Variants in MAGI3 observed in about 807,000 individuals in gnomAD.
The protein encoded by MAGI3 is membrane-associated guanylate kinase, WW and PDZ domain-containing protein 3.
MAGI3 carries 43 observed loss-of-function variants against 121.8 expected under a neutral mutation model. That is an observed-to-expected ratio of 0.35 (90% CI 0.28 to 0.46). The LOEUF (loss-of-function observed/expected upper bound fraction) is 0.46, where lower values mean the gene tolerates loss of function less well. Ranked by LOEUF, MAGI3 falls within the 20% of genes least tolerant of loss-of-function variation. The pLI is 1.00. For missense variants in MAGI3, 1,547 were observed against 1,797.3 expected (o/e 0.86, Z 2.52); for synonymous variants, 553 against 639.3 (o/e 0.86, Z 2.04).
At chr1:113,507,434 GT>G (rs1445701074) in intron 1 of MAGI3, among the ~76,000 whole-genome samples, 3 of 152,124 alleles carry the variant, frequency 2.0e-5, no homozygotes, top group Non-Finnish European at 4.4e-5. Flanking sequence ...TAAGCAGAAG[GT>G]TTGAGGGAAT....
chr1:113,596,038 TAATAC>T (rs1311146536), intron 6 of MAGI3, among the ~76,000 whole-genome samples: 64 of 492 alleles, frequency 0.13, no homozygotes, highest in African/African-American at 0.16. Context: ...CTCAAAATAC[TAATAC>T]TAATACTAAT....
At chr1:113,456,095 C>T (rs954636035) in intron 1 of MAGI3, among the ~76,000 whole-genome samples, 9 of 150,022 alleles carry the variant, frequency 6.0e-5, no homozygotes, top group South Asian at 4.2e-4. Flanking sequence ...GGACTACAGG[C>T]GCCCGCCACC....
intron 2 of MAGI3, among the ~76,000 whole-genome samples, chr1:113,560,073 ATTC>A (rs1660159907): frequency 6.6e-6 from 1 of 152,222 alleles, no homozygotes; most frequent in African/African-American, 2.4e-5. Context: ...CAGAATATAC[ATTC>A]TTCTCATCAC....
In MAGI3 at chr1:113,684,029, CAAAG is replaced by C; in HGVS notation, c.*19_*22del. 1 of 1,490,954 alleles carries C rather than the reference CAAAG, an allele frequency of 6.7e-7. No individual in the cohort carries two copies. Among genetic ancestry groups the C allele is most frequent in the East Asian group, 2.4e-5 (1 of 41,354 alleles). 92.4% of individuals were successfully genotyped at this position (1,490,954 alleles called of 1,614,324 possible). ...AACGGCAGTAACCTTTAGTATAAAA[CAAAG>C]AAAAACAAGTTGTAATCTTTTCTTA... On this transcript the variant is annotated 3_prime_UTR_variant, in exon 21 of 21. Coordinates refer to ENST00000307546, the MANE Select transcript of MAGI3 (RefSeq NM_001142782.2).
chr1:113,669,442 G>T (rs1647391884), intron 16 of MAGI3, among the ~76,000 whole-genome samples: 1 of 152,178 alleles, frequency 6.6e-6, no homozygotes, highest in Non-Finnish European at 1.5e-5. Flanking sequence ...TCACAGAGGA[G>T]GTGACAATTT....
intron 1 of MAGI3, among the ~76,000 whole-genome samples, chr1:113,438,714 A>G (rs530336551): frequency 1.5e-4 from 23 of 152,320 alleles, no homozygotes; most frequent in African/African-American, 5.3e-4. Context: ...AAACTAATAC[A>G]GTGAGAATTC....
intron 1 of MAGI3, among the ~76,000 whole-genome samples, chr1:113,473,203 C>G (rs1041785997): frequency 3.9e-5 from 6 of 152,034 alleles, no homozygotes; most frequent in Non-Finnish European, 8.8e-5. Context: ...CTGAAGGACA[C>G]CTTTGCTAGG....
chr1:113,416,341 A>C (rs1351730886), intron 1 of MAGI3, among the ~76,000 whole-genome samples: 1 of 46,800 alleles, frequency 2.1e-5, no homozygotes, highest in African/African-American at 7.5e-5. Flanking sequence ...TATCAATCAT[A>C]TATTAATTAT....
chr1:113,656,045 T>G (rs1653452390), intron 15 of MAGI3, among the ~76,000 whole-genome samples: 1 of 152,182 alleles, frequency 6.6e-6, no homozygotes, highest in African/African-American at 2.4e-5. Flanking sequence ...GCAGCTAACA[T>G]GTGGCAGGAG....
At chr1:113,660,162 A>G (rs892988134) in intron 16 of MAGI3, among the ~76,000 whole-genome samples, 2 of 152,078 alleles carry the variant, frequency 1.3e-5, no homozygotes, top group African/African-American at 4.8e-5. Context: ...TCAAGATGCT[A>G]TAGGGGTTAT....
At position 113,683,375 on chromosome 1, in the gene MAGI3, C is replaced by CA; in HGVS notation, c.3808dup (p.Thr1270AsnfsTer27). ...GGGAAAATAAAAGTTGTCAGGTCAG[C>CA]ACCAGGGCAGGCTCTGGACAAGATC... is the stretch of plus-strand genomic sequence containing the variant. On this transcript the variant is annotated frameshift_variant, in exon 21 of 21. Coordinates refer to ENST00000307546, the MANE Select transcript of MAGI3 (RefSeq NM_001142782.2). LOFTEE classifies it low-confidence loss of function (END_TRUNC). The CA allele has an allele frequency of 1.9e-6, 3 of 1,613,960 alleles. No homozygotes were observed. Among genetic ancestry groups the CA allele is most frequent in the Non-Finnish European group, 2.5e-6 (3 of 1,179,888 alleles).
At chr1:113,675,825 A>G (rs1399903156) in intron 19 of MAGI3, among the ~76,000 whole-genome samples, 1 of 152,204 alleles carries the variant, frequency 6.6e-6, no homozygotes, top group African/African-American at 2.4e-5. Flanking sequence ...AGACAATTTC[A>G]TATCGTGACA....
At chr1:113,680,531 G>A (rs1357918366) in intron 19 of MAGI3, among the ~76,000 whole-genome samples, 1 of 152,010 alleles carries the variant, frequency 6.6e-6, no homozygotes, top group African/African-American at 2.4e-5. Flanking sequence ...GCTGAGGCGG[G>A]CGGATCACGA....
chr1:113,561,770 C>G (rs980475259), intron 2 of MAGI3, among the ~76,000 whole-genome samples: 2 of 151,976 alleles, frequency 1.3e-5, no homozygotes, highest in African/African-American at 4.8e-5. Context: ...CCAGGGCGAT[C>G]AAGAAAAAGA....
In MAGI3 at chr1:113,422,060, C is replaced by G. The variant is rs151112553; in HGVS notation, c.316+30711C>G. On this transcript the variant is annotated intron_variant, in intron 1 of 20. Coordinates refer to ENST00000307546, the MANE Select transcript of MAGI3 (RefSeq NM_001142782.2). The surrounding 1 kb of genome is among the most constrained non-coding windows in gnomAD (Gnocchi z 4.3). ...GCCCTGCCCATCTCTCTCTCTTTACCCTTTTACTGACTGTAAGGGAGTAAG... is the reference window on the plus strand; with the variant it reads ...GCCCTGCCCATCTCTCTCTCTTTACGCTTTTACTGACTGTAAGGGAGTAAG... 4.0e-3 allele frequency among the ~76,000 whole-genome samples: 602 copies of G among 152,130 alleles called. 4 individuals carry two copies. Among genetic ancestry groups the G allele is most frequent in the African/African-American group, 0.014 (571 of 41,508 alleles).
intron 1 of MAGI3, among the ~76,000 whole-genome samples, chr1:113,507,681 A>G (rs542443877): frequency 6.6e-6 from 1 of 152,324 alleles, no homozygotes; most frequent in African/African-American, 2.4e-5. Context: ...GTATTACCTT[A>G]TCTTTGTATC....
intron 1 of MAGI3, among the ~76,000 whole-genome samples, chr1:113,523,680 T>C (rs570566535): frequency 3.9e-5 from 6 of 152,172 alleles, no homozygotes; most frequent in Non-Finnish European, 7.4e-5. Context: ...TTGGGTGCTA[T>C]TAAAGGCAAT....
chr1:113,683,680 CTAAT>C lies in MAGI3; in HGVS notation c.4113_4116del (p.Asn1372ArgfsTer16). Reference sequence around the variant, plus strand: ...GAGAAATCTCTTCCATCCAAAATGACTAATAAGACTACAAGTAAAGAAGTATCTG... The same window carrying C: ...GAGAAATCTCTTCCATCCAAAATGACAAGACTACAAGTAAAGAAGTATCTG... On this transcript the variant is annotated frameshift_variant, in exon 21 of 21. Coordinates refer to ENST00000307546, the MANE Select transcript of MAGI3 (RefSeq NM_001142782.2). LOFTEE classifies it low-confidence loss of function (END_TRUNC). 1 of 1,604,676 alleles carries C rather than the reference CTAAT, an allele frequency of 6.2e-7. No homozygotes were observed.
Position 113,395,087 on chromosome 1 carries a change from GTTTTTTTTTT to G in MAGI3, c.316+3758_316+3767del, listed in dbSNP as rs139532433. On this transcript the variant is annotated intron_variant, in intron 1 of 20. Transcript: ENST00000307546. ...TCTTATCTCTTGAATCTTTTTGTTA[GTTTTTTTTTT>G]TTTTTTTTTTTTTTTTTTTAGTGGG... Among the ~76,000 whole-genome samples, 149 of 33,244 alleles carry G rather than the reference GTTTTTTTTTT, an allele frequency of 4.5e-3. 2 individuals carry two copies. The highest frequency in any genetic ancestry group is 5.7e-3 in the Non-Finnish European group (112 of 19,652). 21.8% of individuals were successfully genotyped at this position (33,244 alleles called of 152,430 possible). A position where few individuals can be genotyped will look rare whatever the true frequency, so the allele number is the denominator to read the frequency against.
Sources: allele counts gnomAD v4.1 joint callset (sites outside exome capture counted in the v4.1 genomes callset), GRCh38; gene constraint gnomAD v4.1.1; non-coding constraint Gnocchi (gnomAD v3.1); transcripts MANE v1.5; gene names NCBI Gene and HGNC (gene_info 2026-07-23, HGNC 2026-07-21).